Variants in ZNF385B observed in about 807,000 individuals in gnomAD.
ZNF385B encodes zinc finger protein 385B.
A neutral mutation model predicts 39.2 loss-of-function variants in ZNF385B; 23 were observed. That is an observed-to-expected ratio of 0.59 (90% CI 0.42 to 0.83). ZNF385B has a LOEUF of 0.83. Among genes scored for constraint, ZNF385B ranks in the 40% least tolerant of loss-of-function variants. The pLI is 0.00. For synonymous variants in ZNF385B, 205 were observed against 222.6 expected, an observed-to-expected ratio of 0.92 and a Z score of 0.70; for missense variants, 552 against 598.9, an observed-to-expected ratio of 0.92 and a Z score of 0.82.
chr2:179,634,108 A>G (rs1691497401), intron 3 of ZNF385B, among the ~76,000 whole-genome samples: 1 of 152,246 alleles, frequency 6.6e-6, no homozygotes, highest in Non-Finnish European at 1.5e-5. Context: ...AAAAAAACCT[A>G]GAAGATAACC....
intron 3 of ZNF385B, among the ~76,000 whole-genome samples, chr2:179,558,004 A>T (rs571801632): frequency 6.6e-6 from 1 of 152,302 alleles, no homozygotes; most frequent in African/African-American, 2.4e-5. Context: ...TGATCAATAT[A>T]ACTAATTTAA....
chr2:179,774,742 G>C (rs186939147), intron 1 of ZNF385B, among the ~76,000 whole-genome samples: 36 of 152,256 alleles, frequency 2.4e-4, no homozygotes, highest in African/African-American at 8.4e-4. Flanking sequence ...TGGTAATAAC[G>C]GTGTGCTCCC....
At chr2:179,740,101 G>A (rs1265287852) in intron 3 of ZNF385B, among the ~76,000 whole-genome samples, 1 of 152,098 alleles carries the variant, frequency 6.6e-6, no homozygotes, top group South Asian at 2.1e-4. Context: ...TCTTCAAAAT[G>A]TAGCCTGCCC....
chr2:179,808,178 G>A (rs939935870), intron 1 of ZNF385B, among the ~76,000 whole-genome samples: 3 of 151,828 alleles, frequency 2.0e-5, no homozygotes, highest in Admixed American at 6.6e-5. Flanking sequence ...GACTACAGGC[G>A]CACGCCGCCA....
At chr2:179,592,674 T>C (rs1192379928) in intron 3 of ZNF385B, among the ~76,000 whole-genome samples, 2 of 152,162 alleles carry the variant, frequency 1.3e-5, no homozygotes, top group South Asian at 2.1e-4. Context: ...TTATGTTCTA[T>C]TGTTTCATGG....
At chr2:179,668,756 ACAT>A (rs1476820003) in intron 3 of ZNF385B, among the ~76,000 whole-genome samples, 1 of 152,134 alleles carries the variant, frequency 6.6e-6, no homozygotes, top group Non-Finnish European at 1.5e-5. Context: ...TGTAAAGGAA[ACAT>A]CATTTTTAGC....
chr2:179,474,051 C>G (rs2053132892), intron 6 of ZNF385B, among the ~76,000 whole-genome samples: 1 of 151,898 alleles, frequency 6.6e-6, no homozygotes, highest in African/African-American at 2.4e-5. Flanking sequence ...GTAAATGGCA[C>G]TCGGGAATCA....
intron 3 of ZNF385B, among the ~76,000 whole-genome samples, chr2:179,708,642 C>T (rs986190016): frequency 6.6e-6 from 1 of 152,182 alleles, no homozygotes; most frequent in African/African-American, 2.4e-5. Context: ...CTTATCAAGT[C>T]TGACTCTCTA....
intron 1 of ZNF385B, among the ~76,000 whole-genome samples, chr2:179,857,197 T>G (rs115686705): frequency 0.023 from 3,565 of 152,292 alleles, 137 homozygotes; most frequent in African/African-American, 0.081. Context: ...CACAAATTGG[T>G]ACTACAGAAC....
At chr2:179,634,993 A>AAAAAAAAAT (rs1166340577) in intron 3 of ZNF385B, among the ~76,000 whole-genome samples, 1 of 140,412 alleles carries the variant, frequency 7.1e-6, no homozygotes, top group African/African-American at 2.7e-5. Context: ...AAAAAAAAAA[A>AAAAAAAAAT]TAGCCAGGCG....
At chr2:179,588,276 GAC>G (rs1392211932) in intron 3 of ZNF385B, among the ~76,000 whole-genome samples, 1 of 152,064 alleles carries the variant, frequency 6.6e-6, no homozygotes, top group Non-Finnish European at 1.5e-5. Context: ...TTTTAGCAGA[GAC>G]GGCGTTTCAC....
At chr2:179,482,185 A>T (rs2054076865) in intron 6 of ZNF385B, among the ~76,000 whole-genome samples, 1 of 152,144 alleles carries the variant, frequency 6.6e-6, no homozygotes, top group African/African-American at 2.4e-5. Context: ...GTTTGAACAG[A>T]TTTTCTGAAC....
At chr2:179,649,870 T>G (rs1693054785) in intron 3 of ZNF385B, among the ~76,000 whole-genome samples, 2 of 152,186 alleles carry the variant, frequency 1.3e-5, no homozygotes, top group African/African-American at 4.8e-5. Flanking sequence ...AAAAAAAAAG[T>G]AATGTTAAGT....
chr2:179,806,124 A>G (rs1003718402), intron 1 of ZNF385B, among the ~76,000 whole-genome samples: 1 of 152,212 alleles, frequency 6.6e-6, no homozygotes, highest in Admixed American at 6.5e-5. Context: ...AAAATGCCAT[A>G]AACAATGTTA....
intron 3 of ZNF385B, among the ~76,000 whole-genome samples, chr2:179,573,744 A>C (rs1001975282): frequency 6.6e-6 from 1 of 152,154 alleles, no homozygotes; most frequent in Non-Finnish European, 1.5e-5. Flanking sequence ...TCAAGGCTTC[A>C]TAAGTATTTT....
intron 5 of ZNF385B, among the ~76,000 whole-genome samples, chr2:179,490,316 A>C (rs1045763761): frequency 4.0e-5 from 6 of 150,078 alleles, no homozygotes; most frequent in East Asian, 2.0e-4. Flanking sequence ...TACACACACA[A>C]ACACACACAC....
intron 3 of ZNF385B, among the ~76,000 whole-genome samples, chr2:179,725,285 G>T (rs1396048044): frequency 6.6e-6 from 1 of 151,944 alleles, no homozygotes; most frequent in Non-Finnish European, 1.5e-5. Context: ...GCCTAGGAAA[G>T]TTGTAGATTT....
At chr2:179,540,155 T>G (rs924265202) in intron 4 of ZNF385B, among the ~76,000 whole-genome samples, 1 of 152,028 alleles carries the variant, frequency 6.6e-6, no homozygotes, top group Non-Finnish European at 1.5e-5. Context: ...TAAAAAACAG[T>G]GACAGTTTGG....
At chr2:179,629,103 T>C (rs1690944076) in intron 3 of ZNF385B, among the ~76,000 whole-genome samples, 1 of 152,210 alleles carries the variant, frequency 6.6e-6, no homozygotes. Flanking sequence ...CTTTCAGGTA[T>C]ATTCCAGGCT....
Sources: gnomAD v4.1 joint callset for allele counts (sites outside exome capture counted in the v4.1 genomes callset) on GRCh38, gnomAD v4.1.1 for gene constraint, MANE v1.5 for transcripts, NCBI Gene and HGNC (gene_info 2026-07-23, HGNC 2026-07-21) for gene names.